The following LRGUK variants were observed in gnomAD, a reference collection of about 807,000 sequenced individuals.
The protein encoded by LRGUK is leucine-rich repeat and guanylate kinase domain-containing protein.
LRGUK carries 65 observed loss-of-function variants against 76.0 expected under a neutral mutation model. The observed-to-expected ratio is 0.85, with a 90% confidence interval of 0.70 to 1.05. The LOEUF (loss-of-function observed/expected upper bound fraction) is 1.05, where lower values mean the gene tolerates loss of function less well. Among genes scored for constraint, LRGUK ranks in the 50% least tolerant of loss-of-function variants. LRGUK has a pLI of 0.00. For synonymous variants in LRGUK, 268 were observed against 265.6 expected (o/e 1.01, Z -0.09); for missense variants, 758 against 732.8 (o/e 1.03, Z -0.40).
chr7:134,247,634 C>T (rs1300343865), exon 17 of LRGUK: 1 of 1,612,306 alleles, frequency 6.2e-7, no homozygotes, highest in African/African-American at 1.3e-5. Flanking sequence ...TCACACACTC[C>T]TATTTCAAAG....
intron 1 of LRGUK, 56 bp from the exon 2 acceptor site, chr7:134,136,967 T>C: frequency 7.5e-7 from 1 of 1,330,620 alleles, no homozygotes; most frequent in East Asian, 2.4e-5. Context: ...ACAAGATAGA[T>C]TGTTTCTTTT....
At chr7:134,161,569 T>G (rs1364139871) in intron 6 of LRGUK, among the ~76,000 whole-genome samples, 1 of 152,098 alleles carries the variant, frequency 6.6e-6, no homozygotes. Flanking sequence ...AACACAAATC[T>G]TGCTCATTAT....
chr7:134,158,278 A>G lies in LRGUK; in HGVS notation c.795+119A>G, dbSNP rs570166687. 45 of 888,116 alleles carry G rather than the reference A, an allele frequency of 5.1e-5. No individual in the cohort carries two copies. The Admixed American group carries it at 1.2e-3, about 24-fold the overall frequency. 55.0% of individuals were successfully genotyped at this position (888,116 alleles called of 1,614,324 possible). A position where few individuals can be genotyped will look rare whatever the true frequency, so the allele number is the denominator to read the frequency against. ...AGAGAAAATTCCTTCATGAAATGTT[A>G]TTGTCTTCAGTTTTGTTTGCTCCTT... is the stretch of plus-strand genomic sequence containing the variant. On this transcript the variant is annotated intron_variant, in intron 6 of 15. Transcript: ENST00000645682.
rs1352565865 is a variant in LRGUK, at chr7:134,199,360, G to A, written c.1686G>A (p.Val562=). The stretch of plus-strand genomic sequence containing the variant: ...AAATTGAATTTGCTGTCTCCAGAGT[G>A]GACCTTTATATTAAAATTAATCAGA... Residue 562 remains valine (V), a synonymous_variant, in exon 14 of 16, where the codon GTG becomes GTA. Coordinates refer to ENST00000645682, the Ensembl canonical transcript of LRGUK. 7 of 1,613,738 alleles carry A rather than the reference G, an allele frequency of 4.3e-6. No homozygotes were observed. In the South Asian group the frequency reaches 7.7e-5, roughly 18 times the overall value.
intron 6 of LRGUK, among the ~76,000 whole-genome samples, chr7:134,162,599 G>T (rs1355822117): frequency 6.6e-6 from 1 of 152,090 alleles, no homozygotes; most frequent in Non-Finnish European, 1.5e-5. Flanking sequence ...GGCCGAGGTG[G>T]GTTGATCACT....
intron 16 of LRGUK, among the ~76,000 whole-genome samples, chr7:134,224,194 G>A (rs959409691): frequency 2.0e-5 from 3 of 152,158 alleles, no homozygotes; most frequent in Admixed American, 6.5e-5. Context: ...GAAATCCAGA[G>A]TGCAAACCTT....
At chr7:134,178,933 A>AAAAAAAAAAAAAAAC (rs1554464217) in intron 10 of LRGUK, among the ~76,000 whole-genome samples, 1 of 13,644 alleles carries the variant, frequency 7.3e-5, no homozygotes, top group Non-Finnish European at 1.4e-4. Flanking sequence ...TCTCAAAAAA[A>AAAAAAAAAAAAAAAC]AAAAAAAAAA....
chr7:134,176,962 T>C lies in LRGUK; in HGVS notation c.1021-15T>C, dbSNP rs751198946. ...AAGGAAGGCAACTGAACAGTCCTCT[T>C]GATATTTTAAATAGGAAAAGTCTGA... On this transcript the variant is annotated splice_polypyrimidine_tract_variant and intron_variant, in intron 8 of 15. Transcript: ENST00000645682. 3 of 1,518,410 alleles carry C rather than the reference T, an allele frequency of 2.0e-6. No individual in the cohort carries two copies. The highest frequency in any genetic ancestry group is 1.1e-5 in the South Asian group (1 of 87,172). The allele number at this position is 1,518,410 out of a possible 1,614,324, so 94.1% of individuals were successfully genotyped here. A position where few individuals can be genotyped will look rare whatever the true frequency, so the allele number is the denominator to read the frequency against.
chr7:134,206,519 A>G (rs971571134), intron 15 of LRGUK, among the ~76,000 whole-genome samples: 10 of 150,874 alleles, frequency 6.6e-5, no homozygotes, highest in Admixed American at 4.6e-4. Context: ...ATCTCAAAAT[A>G]AATAAATAAA....
rs1797678711 is a variant in LRGUK, at chr7:134,139,521, T to C, written c.487+4T>C. ...CTTTCAGCGAATAAAATTGAAGGTA[T>C]GTAATTGTCATTCTAGATTGATCAC... is the stretch of plus-strand genomic sequence containing the variant. On this transcript the variant is annotated splice_donor_region_variant and intron_variant, in intron 3 of 15. Transcript: ENST00000645682. 1.3e-6 allele frequency: 2 copies of C among 1,576,892 alleles called. No homozygotes were observed. The highest frequency in any genetic ancestry group is 1.3e-5 in the African/African-American group (1 of 74,194).
chr7:134,157,319 G>C (rs1039186947), intron 5 of LRGUK, among the ~76,000 whole-genome samples: 10 of 152,154 alleles, frequency 6.6e-5, no homozygotes, highest in African/African-American at 2.4e-4. Context: ...TCTTAGCCCA[G>C]TTATGAGGAT....
chr7:134,232,217 G>C (rs965981469), intron 16 of LRGUK, among the ~76,000 whole-genome samples: 2 of 152,094 alleles, frequency 1.3e-5, no homozygotes, highest in East Asian at 3.9e-4. Context: ...AGTAGAAAAT[G>C]GGCTAATGGA....
Position 134,222,711 on chromosome 7 carries a change from C to T in LRGUK, c.1983+793C>T, listed in dbSNP as rs143265851. On this transcript the variant is annotated intron_variant, in intron 16 of 19. Coordinates refer to the LRGUK transcript ENST00000285928. ...GCAACCTCCGCCTCCCAGGTTCAAGCGATTCTCCTGCCTCAGCCTCCCGAG... is the reference window on the plus strand; with the variant it reads ...GCAACCTCCGCCTCCCAGGTTCAAGTGATTCTCCTGCCTCAGCCTCCCGAG... Among the ~76,000 whole-genome samples the T allele has an allele frequency of 0.011, 1,638 of 151,996 alleles. 86 individuals carry two copies. In the East Asian group the frequency reaches 0.15, roughly 14 times the overall value.
chr7:134,180,096 A>G (rs1357492156), intron 10 of LRGUK, among the ~76,000 whole-genome samples: 1 of 152,204 alleles, frequency 6.6e-6, no homozygotes, highest in Non-Finnish European at 1.5e-5. Context: ...AAAGTTCTCC[A>G]GACTCATCTG....
At chr7:134,177,034 G>C in exon 9 of LRGUK, 1 of 1,600,852 alleles carries the variant, frequency 6.2e-7, no homozygotes, top group Non-Finnish European at 8.5e-7. Flanking sequence ...AACAGAATTA[G>C]ATCAGAAGAA....
downstream of LRGUK, among the ~76,000 whole-genome samples, chr7:134,269,357 T>TTTTTC (rs1301324032): frequency 6.6e-6 from 1 of 150,428 alleles, no homozygotes; most frequent in African/African-American, 2.5e-5. Flanking sequence ...ATTCTTTTTT[T>TTTTTC]TTTTTTTTTT....
chr7:134,179,519 A>G (rs1261469580), intron 10 of LRGUK, among the ~76,000 whole-genome samples: 1 of 152,150 alleles, frequency 6.6e-6, no homozygotes, highest in Non-Finnish European at 1.5e-5. Context: ...ACAGTTTCAC[A>G]TGTTTATGGT....
At chr7:134,249,706 C>T (rs1325712151) in intron 18 of LRGUK, among the ~76,000 whole-genome samples, 1 of 152,144 alleles carries the variant, frequency 6.6e-6, no homozygotes, top group Non-Finnish European at 1.5e-5. Flanking sequence ...TAGTGTGGCT[C>T]AAAAGCTGAA....
intron 7 of LRGUK, among the ~76,000 whole-genome samples, chr7:134,163,938 G>C (rs989175403): frequency 6.6e-6 from 1 of 152,148 alleles, no homozygotes; most frequent in Non-Finnish European, 1.5e-5. Flanking sequence ...TTAAAGAAAA[G>C]TCTAGGGCCA....
Sources: gnomAD v4.1 joint callset for allele counts (sites outside exome capture counted in the v4.1 genomes callset) on GRCh38, gnomAD v4.1.1 for gene constraint, MANE v1.5 for transcripts, NCBI Gene and HGNC (gene_info 2026-07-23, HGNC 2026-07-21) for gene names.